The following SYCP2 variants were observed in gnomAD, a reference collection of about 807,000 sequenced individuals.
SYCP2 encodes the protein synaptonemal complex protein 2.
A neutral mutation model predicts 211.3 loss-of-function variants in SYCP2; 55 were observed. That is an observed-to-expected ratio of 0.26 (90% confidence interval 0.21 to 0.33). The LOEUF (loss-of-function observed/expected upper bound fraction) is 0.33. Among genes scored for constraint, SYCP2 ranks in the 10% least tolerant of loss-of-function variants. The pLI, the probability that SYCP2 is intolerant of heterozygous loss-of-function variation, is 1.00. For missense variants in SYCP2, 1,731 were observed against 1,752.0 expected (o/e 0.99, Z 0.21); for synonymous variants, 570 against 555.2 (o/e 1.03, Z -0.37).
At chr20:59,867,099 T>TGGGGGTGG (rs1568899838) in intron 39 of SYCP2, among the ~76,000 whole-genome samples, 1 of 336 alleles carries the variant, frequency 3.0e-3, no homozygotes, top group African/African-American at 0.01. Flanking sequence ...AAAGCAAGAC[T>TGGGGGTGG]GGGGGCGGGG....
chr20:59,876,290 GA>G (rs1958908953), intron 33 of SYCP2, among the ~76,000 whole-genome samples: 1 of 138,778 alleles, frequency 7.2e-6, no homozygotes, highest in South Asian at 2.4e-4. Context: ...ACAATCGTTT[GA>G]ACACTGGAGG....
intron 14 of SYCP2, 30 bp from the exon 15 acceptor site, chr20:59,907,454 A>G: frequency 6.4e-7 from 1 of 1,568,300 alleles, no homozygotes; most frequent in Non-Finnish European, 8.7e-7. Context: ...TTTGGCCATA[A>G]ATAATTTATT....
intron 30 of SYCP2, 103 bp from the exon 31 acceptor site, chr20:59,880,574 C>CA (rs2059658786): frequency 9.3e-6 from 6 of 642,048 alleles, no homozygotes; most frequent in Non-Finnish European, 1.2e-5. Context: ...AAAACAAAAC[C>CA]CAAAACAGGA....
chr20:59,912,112 A>T (rs2060343081), intron 13 of SYCP2: 1 of 420,380 alleles, frequency 2.4e-6, no homozygotes, highest in Non-Finnish European at 4.2e-6. Context: ...ATAGATTCAT[A>T]CATGATAAAT....
At chr20:59,865,725 T>C in intron 42 of SYCP2, 74 bp from the exon 43 acceptor site, 1 of 1,065,948 alleles carries the variant, frequency 9.4e-7, no homozygotes, top group East Asian at 3.0e-5. Context: ...ATAGTATATA[T>C]AATTTTAATT....
intron 15 of SYCP2, 25 bp from the exon 16 acceptor site, chr20:59,901,835 T>C: frequency 6.5e-7 from 1 of 1,533,484 alleles, no homozygotes; most frequent in Non-Finnish European, 8.8e-7. Context: ...CACTGATTAG[T>C]TTACGTTTCT....
At position 59,892,719 on chromosome 20, in the gene SYCP2, T is replaced by C; in HGVS notation, c.1794-18A>G. 1 of 1,595,514 alleles carries C rather than the reference T, an allele frequency of 6.3e-7. No homozygotes were observed. The highest frequency in any genetic ancestry group is 8.5e-7 in the Non-Finnish European group (1 of 1,172,912). On this transcript the variant is annotated intron_variant, in intron 22 of 44. Transcript: ENST00000357552. ...CAGGTAATCTAGAAAATAAATTAATTTGCTTAATGTTACAAAACATTAGCC... is the reference window on the plus strand; with the variant it reads ...CAGGTAATCTAGAAAATAAATTAATCTGCTTAATGTTACAAAACATTAGCC...
chr20:59,868,294 T>A (rs1341671268), intron 38 of SYCP2, 119 bp downstream of exon 38: 1 of 987,728 alleles, frequency 1.0e-6, no homozygotes, highest in East Asian at 2.5e-5. Flanking sequence ...TAAAGCATCA[T>A]CCATCTTGGA....
At chr20:59,906,953 T>C (rs1162099356) in intron 15 of SYCP2, among the ~76,000 whole-genome samples, 2 of 152,204 alleles carry the variant, frequency 1.3e-5, no homozygotes, top group Non-Finnish European at 2.9e-5. Flanking sequence ...GAGATATTAT[T>C]ACATGTCTAT....
Position 59,875,589 on chromosome 20 carries a change from A to G in SYCP2, c.3151-120T>C, listed in dbSNP as rs978252875. ...GTATATTACCACATACAGGCATAAC[A>G]AGGACCTAGACATGAGTAGTGAAAG... On this transcript the variant is annotated intron_variant, in intron 33 of 44. Transcript: ENST00000357552. 5 of 703,214 alleles carry G rather than the reference A, an allele frequency of 7.1e-6. No homozygotes were observed. The African/African-American group carries it at 9.0e-5, about 13-fold the overall frequency. 43.6% of individuals were successfully genotyped at this position (703,214 alleles called of 1,614,324 possible). A position where few individuals can be genotyped will look rare whatever the true frequency, so the allele number is the denominator to read the frequency against.
intron 35 of SYCP2, 126 bp from the exon 36 acceptor site, chr20:59,870,109 A>T: frequency 1.7e-6 from 1 of 575,756 alleles, no homozygotes; most frequent in Non-Finnish European, 2.9e-6. Flanking sequence ...TCACTGCAAA[A>T]ATTCAATTCC....
At chr20:59,919,625 T>C (rs1246769388) in intron 5 of SYCP2, 28 bp from the exon 6 acceptor site, 5 of 1,386,812 alleles carry the variant, frequency 3.6e-6, no homozygotes, top group African/African-American at 1.5e-5. Flanking sequence ...CTTATTAGAG[T>C]TCCATTTTAA....
chr20:59,870,932 A>T (rs1280756618), intron 35 of SYCP2, among the ~76,000 whole-genome samples: 1 of 151,824 alleles, frequency 6.6e-6, no homozygotes, highest in African/African-American at 2.4e-5. Context: ...ATTTGAGTCA[A>T]ATTTAGACTC....
intron 14 of SYCP2, among the ~76,000 whole-genome samples, chr20:59,909,217 A>AT (rs1371624667): frequency 6.6e-6 from 1 of 152,194 alleles, no homozygotes; most frequent in Non-Finnish European, 1.5e-5. Flanking sequence ...GGCACTCATT[A>AT]AAACCCATGG....
chr20:59,867,014 C>CAA (rs779891839), intron 39 of SYCP2, among the ~76,000 whole-genome samples: 1,329 of 60,176 alleles, frequency 0.022, 12 homozygotes, highest in Middle Eastern at 0.056. Flanking sequence ...GGCCTTGGGC[C>CAA]AAAAAAAAAA....
chr20:59,900,877 T>C, intron 16 of SYCP2, 59 bp from the exon 17 acceptor site: 1 of 1,192,986 alleles, frequency 8.4e-7, no homozygotes, highest in East Asian at 2.5e-5. Context: ...CACTTTTTCA[T>C]ATGTCATTTT....
chr20:59,865,760 A>T, intron 42 of SYCP2, 47 bp downstream of exon 42: 1 of 1,137,544 alleles, frequency 8.8e-7, no homozygotes, highest in Non-Finnish European at 1.2e-6. Context: ...TTATTAATTT[A>T]AAAATCTAAT....
At chr20:59,901,584 A>G in intron 16 of SYCP2, 78 bp downstream of exon 16, 2 of 885,718 alleles carry the variant, frequency 2.3e-6, no homozygotes, top group Non-Finnish European at 3.4e-6. Context: ...GAAAGGAAAA[A>G]ACGCAATAAA....
chr20:59,918,837 T>C (rs960161489), intron 7 of SYCP2, among the ~76,000 whole-genome samples: 26 of 152,160 alleles, frequency 1.7e-4, no homozygotes, highest in African/African-American at 6.3e-4. Context: ...GCAAAAAGAA[T>C]GCAAGTTTCA....
Sources: allele counts gnomAD v4.1 joint callset (sites outside exome capture counted in the v4.1 genomes callset), GRCh38; gene constraint gnomAD v4.1.1; transcripts MANE v1.5; gene names NCBI Gene and HGNC (gene_info 2026-07-23, HGNC 2026-07-21).